The following BCL11A variants were observed in gnomAD, a reference collection of about 807,000 sequenced individuals.
BCL11A encodes the protein B cell CLL/lymphoma 11A.
BCL11A carries 2 observed loss-of-function variants against 55.9 expected under a neutral mutation model. The observed-to-expected ratio is 0.04, with a 90% CI of 0.01 to 0.11. The LOEUF (loss-of-function observed/expected upper bound fraction) is 0.11. BCL11A is among the 10% of genes least tolerant of loss of function. The pLI, the probability that BCL11A is intolerant of heterozygous loss-of-function variation, is 1.00. For missense variants in BCL11A, 817 were observed against 1,137.1 expected (o/e 0.72, Z 4.05); for synonymous variants, 465 against 473.4 (o/e 0.98, Z 0.23).
downstream of BCL11A, chr2:60,451,142 T>C (rs1011680093): frequency 5.3e-6 from 1 of 187,028 alleles, no homozygotes; most frequent in Non-Finnish European, 1.1e-5. Context: ...CAGCACTGTA[T>C]ACAGTATAAG....
chr2:60,552,964 G>T (rs1404168341), intron 1 of BCL11A, among the ~76,000 whole-genome samples: 4 of 151,964 alleles, frequency 2.6e-5, no homozygotes, highest in Admixed American at 2.0e-4. Context: ...GAAAGAGGAG[G>T]AGTCAAATTT....
At chr2:60,518,237 A>G (rs150350751) in intron 2 of BCL11A, among the ~76,000 whole-genome samples, 226 of 152,336 alleles carry the variant, frequency 1.5e-3, no homozygotes, top group African/African-American at 5.2e-3. Context: ...ACCTAAAATC[A>G]TCTTGTCTCA....
At chr2:60,529,625 G>A (rs989389495) in intron 2 of BCL11A, among the ~76,000 whole-genome samples, 1 of 151,598 alleles carries the variant, frequency 6.6e-6, no homozygotes, top group African/African-American at 2.4e-5. Context: ...GGGAGCGGGG[G>A]CAGGTATCCA....
chr2:60,492,888 C>A (rs1203219779), intron 2 of BCL11A, among the ~76,000 whole-genome samples: 3 of 152,118 alleles, frequency 2.0e-5, no homozygotes, highest in African/African-American at 7.2e-5. Context: ...ATTCAATTTG[C>A]CAGTTGTATA....
intron 2 of BCL11A, among the ~76,000 whole-genome samples, chr2:60,501,874 G>A (rs1163102369): frequency 6.6e-6 from 1 of 152,114 alleles, no homozygotes; most frequent in Non-Finnish European, 1.5e-5. Context: ...AAAACAGGAA[G>A]ATGCATTCTG....
At chr2:60,501,824 T>C (rs970614613) in intron 2 of BCL11A, among the ~76,000 whole-genome samples, 1 of 152,158 alleles carries the variant, frequency 6.6e-6, no homozygotes, top group Non-Finnish European at 1.5e-5. Context: ...CTTTCTTAAT[T>C]ACAGCAGTGT....
intron 2 of BCL11A, among the ~76,000 whole-genome samples, chr2:60,474,065 A>G (rs762683110): frequency 6.6e-6 from 1 of 152,184 alleles, no homozygotes; most frequent in Non-Finnish European, 1.5e-5. Context: ...AATAACATCA[A>G]TCACTCATTT....
At chr2:60,538,594 C>T (rs2104691626) in intron 2 of BCL11A, 1 of 152,202 alleles carries the variant, frequency 6.6e-6, no homozygotes, top group South Asian at 2.1e-4. Context: ...AAACCTCAAG[C>T]AATGTGGACT....
intron 2 of BCL11A, among the ~76,000 whole-genome samples, chr2:60,490,213 C>T (rs1206358183): frequency 6.6e-6 from 1 of 152,210 alleles, no homozygotes; most frequent in Non-Finnish European, 1.5e-5. Flanking sequence ...CAGGGGAGAA[C>T]TCGGCATGAA....
At chr2:60,487,374 A>T (rs771193634) in intron 2 of BCL11A, among the ~76,000 whole-genome samples, 7 of 152,166 alleles carry the variant, frequency 4.6e-5, no homozygotes, top group Admixed American at 1.3e-4. Context: ...AAGAAAATTC[A>T]GCAGGGGGAG....
intron 2 of BCL11A, chr2:60,541,901 AATAC>A (rs1367850279): frequency 1.4e-6 from 1 of 710,394 alleles, no homozygotes. Context: ...AAGGTACACA[AATAC>A]ATCCTCCAGT....
At chr2:60,468,909 A>G in intron 2 of BCL11A, 76 bp from the exon 3 acceptor site, 1 of 898,356 alleles carries the variant, frequency 1.1e-6, no homozygotes, top group East Asian at 2.6e-5. Flanking sequence ...TCACATTTCA[A>G]TTCCATTAAA....
At position 60,480,976 on chromosome 2, in the gene BCL11A, A is replaced by G. The variant is rs113458800; in HGVS notation, c.386-12143T>C. On this transcript the variant is annotated intron_variant, in intron 2 of 3. Transcript: ENST00000642384. ...GCTCCACTAAAAGGGCTTAAAAATA[A>G]GGCTAGGAAGCTAGACCTGGGAGGG... Among the ~76,000 whole-genome samples the G allele has an allele frequency of 9.2e-4, 140 of 152,328 alleles. 1 individual carries two copies. The highest frequency in any genetic ancestry group is 3.1e-3 in the African/African-American group (129 of 41,570).
intron 2 of BCL11A, among the ~76,000 whole-genome samples, chr2:60,508,315 G>A (rs1679760444): frequency 6.6e-6 from 1 of 152,182 alleles, no homozygotes; most frequent in African/African-American, 2.4e-5. Flanking sequence ...TGAAAGAGGA[G>A]ACAGAGAAGC....
At chr2:60,537,301 T>C (rs1166183700) in intron 2 of BCL11A, 1 of 152,198 alleles carries the variant, frequency 6.6e-6, no homozygotes, top group Non-Finnish European at 1.5e-5. Context: ...TTTTAAAATA[T>C]TAGGGTGTGA....
Position 60,461,418 on chromosome 2 carries a change from CTCCTCTTCT to C in BCL11A, c.1485_1493del (p.Glu502_Glu504del), listed in dbSNP as rs1231464972. On this transcript the variant is annotated inframe_deletion, in exon 4 of 4. Coordinates refer to ENST00000642384, the MANE Select transcript of BCL11A (RefSeq NM_022893.4). Reference sequence around the variant, plus strand: ...CCGTCAGCTCCTCCTCCTCCTCTTCCTCCTCTTCTTCCTCTTCCTCGTCGTCCTCCTCTT... The same window carrying C: ...CCGTCAGCTCCTCCTCCTCCTCTTCCTCCTCTTCCTCGTCGTCCTCCTCTT... 3.1e-6 allele frequency: 5 copies of C among 1,604,906 alleles called. No individual in the cohort carries two copies. Among genetic ancestry groups the C allele is most frequent in the Admixed American group, 1.7e-5 (1 of 59,652 alleles).
intron 2 of BCL11A, among the ~76,000 whole-genome samples, chr2:60,528,718 C>A (rs1669316536): frequency 6.6e-6 from 1 of 152,250 alleles, no homozygotes; most frequent in Non-Finnish European, 1.5e-5. Flanking sequence ...CTTGATGAAC[C>A]CCAATTTCCT....
intron 1 of BCL11A, chr2:60,550,819 C>T (rs1006289485): frequency 5.0e-6 from 2 of 398,832 alleles, no homozygotes; most frequent in African/African-American, 4.1e-5. Flanking sequence ...CGAAGAAGGG[C>T]CTGACTTTCC....
In BCL11A at chr2:60,459,329, G is replaced by C; in HGVS notation, c.*1075C>G. On this transcript the variant is annotated 3_prime_UTR_variant, in exon 4 of 4. Coordinates refer to ENST00000642384, the MANE Select transcript of BCL11A (RefSeq NM_022893.4). ...TCTTCATAAAATGAACTCCTTACTA[G>C]TGTATTTAATTGCGTTCCAGGGCTT... 9.8e-7 allele frequency: 1 copy of C among 1,016,920 alleles called. No individual in the cohort carries two copies. The highest frequency in any genetic ancestry group is 1.2e-6 in the Non-Finnish European group (1 of 847,420). The allele number at this position is 1,016,920 out of a possible 1,614,324, so 63.0% of individuals were successfully genotyped here. A position where few individuals can be genotyped will look rare whatever the true frequency, so the allele number is the denominator to read the frequency against.
Sources: gnomAD v4.1 joint callset for allele counts (sites outside exome capture counted in the v4.1 genomes callset) on GRCh38, gnomAD v4.1.1 for gene constraint, MANE v1.5 for transcripts, NCBI Gene and HGNC (gene_info 2026-07-23, HGNC 2026-07-21) for gene names.